NSUN6: variants seen among roughly 807,000 people sequenced by gnomAD.
NSUN6 encodes tRNA (cytosine(72)-C(5))-methyltransferase NSUN6.
Under a neutral mutation model 58.0 loss-of-function variants are expected in NSUN6, and 64 were observed. The ratio of observed to expected loss-of-function variants is 1.10; its 90% CI spans 0.90 to 1.36. NSUN6 has a LOEUF of 1.36. Among genes scored for constraint, NSUN6 ranks in the 40% most tolerant of loss-of-function variants. The pLI, the probability that NSUN6 is intolerant of heterozygous loss-of-function variation, is 0.00. For synonymous variants in NSUN6, 231 were observed against 193.9 expected, an observed-to-expected ratio of 1.19 and a Z score of -1.59; for missense variants, 701 against 550.1, an observed-to-expected ratio of 1.27 and a Z score of -2.74.
intron 6 of NSUN6, among the ~76,000 whole-genome samples, chr10:18,599,561 T>C (rs1033500969): frequency 6.6e-6 from 1 of 152,068 alleles, no homozygotes; most frequent in African/African-American, 2.4e-5. Context: ...TCACCCTAGG[T>C]GATTCTAGTG....
chr10:18,578,214 G>C (rs951573786), intron 8 of NSUN6, among the ~76,000 whole-genome samples: 1 of 147,704 alleles, frequency 6.8e-6, no homozygotes, highest in African/African-American at 2.5e-5. Context: ...GCTCCATGGA[G>C]CCTCTTCTCT....
chr10:18,648,585 G>C lies in NSUN6; in HGVS notation c.136C>G (p.Leu46Val). 1 of 1,605,250 alleles carries C rather than the reference G, an allele frequency of 6.2e-7. No homozygotes were observed. Among genetic ancestry groups the C allele is most frequent in the Non-Finnish European group, 8.5e-7 (1 of 1,172,180 alleles). The change falls in exon 2 of 11, where the codon CTG (leucine) becomes GTG (valine). Residue 46 changes from leucine (L) to valine (V), a missense_variant. Transcript: ENST00000377304. ...ERKFETLLKH[L>V]SHPPSFTTVR... The stretch of plus-strand genomic sequence containing the variant: ...GTTGTAAATGATGGAGGATGTGACA[G>C]GTGCTTTAACAAAGTTTCAAACTTC...
chr10:18,637,006 G>A (rs1245784835), intron 3 of NSUN6, among the ~76,000 whole-genome samples: 1 of 144,552 alleles, frequency 6.9e-6, no homozygotes, highest in Non-Finnish European at 1.5e-5. Flanking sequence ...CTTATCGTCC[G>A]GGCTCCAGTG....
At chr10:18,649,352 C>T (rs2059638753) in intron 1 of NSUN6, among the ~76,000 whole-genome samples, 1 of 152,182 alleles carries the variant, frequency 6.6e-6, no homozygotes, top group Admixed American at 6.5e-5. Context: ...TCACAAACCA[C>T]TTGTTAGCCT....
chr10:18,572,904 TTCCATTCCATTCCATCC>T (rs907411729), intron 8 of NSUN6, among the ~76,000 whole-genome samples: 4 of 148,288 alleles, frequency 2.7e-5, no homozygotes, highest in Non-Finnish European at 4.5e-5. Flanking sequence ...CCATTCCATT[TTCCATTCCATTCCATCC>T]TCCATTCCAT....
intron 3 of NSUN6, among the ~76,000 whole-genome samples, chr10:18,627,861 A>T (rs1404257948): frequency 6.6e-6 from 1 of 152,226 alleles, no homozygotes; most frequent in African/African-American, 2.4e-5. Flanking sequence ...AGGCTTGCTT[A>T]GGCAAACAAA....
intron 7 of NSUN6, among the ~76,000 whole-genome samples, chr10:18,591,262 G>C (rs1210888033): frequency 6.6e-6 from 1 of 152,034 alleles, no homozygotes; most frequent in African/African-American, 2.4e-5. Context: ...ACTAAAAAAA[G>C]CCCAGGACCA....
At chr10:18,572,224 C>G (rs1181797049) in intron 8 of NSUN6, among the ~76,000 whole-genome samples, 1 of 146,888 alleles carries the variant, frequency 6.8e-6, no homozygotes, top group Non-Finnish European at 1.5e-5. Context: ...ATTGTTCACT[C>G]CATTCCCTTC....
chr10:18,560,196 AATGGAATGGAATGGAGAATGGT>A (rs2055386351), intron 8 of NSUN6, among the ~76,000 whole-genome samples: 1 of 150,056 alleles, frequency 6.7e-6, no homozygotes, highest in East Asian at 1.9e-4. Context: ...TGGAATGGAA[AATGGAATGGAATGGAGAATGGT>A]ATGGAATGGA....
rs79963949 is a variant in NSUN6, at chr10:18,611,171, G to C, written c.576-1245C>G. ...GCATCCCGCCACTGCACTCCAGCCT[G>C]GGCAACGAGCACCCAAATAAATAAA... is the stretch of plus-strand genomic sequence containing the variant. On this transcript the variant is annotated intron_variant, in intron 5 of 10. Coordinates refer to ENST00000377304, the MANE Select transcript of NSUN6 (RefSeq NM_182543.5). Among the ~76,000 whole-genome samples, 595 of 152,106 alleles carry C rather than the reference G, an allele frequency of 3.9e-3. 7 individuals are homozygous for C. Among genetic ancestry groups the C allele is most frequent in the African/African-American group, 0.014 (571 of 41,502 alleles).
upstream of NSUN6, among the ~76,000 whole-genome samples, chr10:18,657,700 G>A (rs370450838): frequency 6.1e-4 from 93 of 152,060 alleles, no homozygotes; most frequent in Middle Eastern, 3.4e-3. Flanking sequence ...TGCAACCTCT[G>A]CCTCCCAGGT....
At chr10:18,605,495 T>C (rs1434346322) in intron 6 of NSUN6, among the ~76,000 whole-genome samples, 1 of 152,168 alleles carries the variant, frequency 6.6e-6, no homozygotes, top group Non-Finnish European at 1.5e-5. Flanking sequence ...CATCAATGGA[T>C]GCAAAATCGA....
chr10:18,609,722 G>A (rs1189142907), intron 6 of NSUN6, 123 bp downstream of exon 6: 1 of 543,862 alleles, frequency 1.8e-6, no homozygotes, highest in Non-Finnish European at 3.3e-6. Context: ...TTAACCAAAG[G>A]TAGATCAGTG....
chr10:18,645,724 T>C (rs2059527560), intron 2 of NSUN6, among the ~76,000 whole-genome samples: 1 of 152,200 alleles, frequency 6.6e-6, no homozygotes, highest in Admixed American at 6.5e-5. Flanking sequence ...TATGTTTTCA[T>C]TTATTTGGAG....
At chr10:18,632,104 A>C (rs1441708148) in intron 3 of NSUN6, among the ~76,000 whole-genome samples, 1 of 151,370 alleles carries the variant, frequency 6.6e-6, no homozygotes, top group Non-Finnish European at 1.5e-5. Context: ...AATGCCGCAT[A>C]TCTACAACTA....
At chr10:18,568,882 C>T (rs138762769) in intron 8 of NSUN6, among the ~76,000 whole-genome samples, 88 of 150,356 alleles carry the variant, frequency 5.9e-4, no homozygotes, top group East Asian at 4.5e-3. Context: ...ACTCTCCATT[C>T]TGTTCCATTC....
At chr10:18,610,768 G>A (rs561281771) in intron 5 of NSUN6, among the ~76,000 whole-genome samples, 26 of 152,190 alleles carry the variant, frequency 1.7e-4, no homozygotes, top group Non-Finnish European at 3.5e-4. Context: ...CGCAAATCCT[G>A]TCAGACAAAG....
chr10:18,596,508 A>G (rs1361100639), intron 6 of NSUN6, among the ~76,000 whole-genome samples, 181 bp from the exon 7 acceptor site: 1 of 152,144 alleles, frequency 6.6e-6, no homozygotes, highest in East Asian at 1.9e-4. Context: ...ATATCCTACG[A>G]TCTCCCAGGA....
chr10:18,624,602 C>T (rs976043211), intron 3 of NSUN6, among the ~76,000 whole-genome samples: 2 of 131,858 alleles, frequency 1.5e-5, no homozygotes, highest in African/African-American at 2.9e-5. Context: ...AGTGAGAGCT[C>T]CTGGCACTGA....
Sources: gnomAD v4.1 joint callset for allele counts (sites outside exome capture counted in the v4.1 genomes callset) on GRCh38, gnomAD v4.1.1 for gene constraint, MANE v1.5 for transcripts, NCBI Gene and HGNC (gene_info 2026-07-23, HGNC 2026-07-21) for gene names.